Variants in CNTNAP4 observed in about 807,000 individuals in gnomAD.
CNTNAP4 encodes contactin associated protein family member 4, also known as contactin-associated protein-like 4.
Under a neutral mutation model 148.4 loss-of-function variants are expected in CNTNAP4, and 98 were observed. The ratio of observed to expected loss-of-function variants is 0.66; its 90% CI spans 0.56 to 0.78. The LOEUF (loss-of-function observed/expected upper bound fraction) is 0.78, where lower values mean the gene tolerates loss of function less well. Ranked by LOEUF, CNTNAP4 falls within the 30% of genes least tolerant of loss-of-function variation. The pLI, the probability that CNTNAP4 is intolerant of heterozygous loss-of-function variation, is 0.00. For missense variants in CNTNAP4, 1,935 were observed against 1,565.6 expected, an observed-to-expected ratio of 1.24 and a Z score of -3.98; for synonymous variants, 730 against 565.1, an observed-to-expected ratio of 1.29 and a Z score of -4.14.
chr16:76,462,465 C>G (rs1360270904), intron 9 of CNTNAP4, among the ~76,000 whole-genome samples: 6 of 152,144 alleles, frequency 3.9e-5, no homozygotes, highest in Non-Finnish European at 7.3e-5. Flanking sequence ...ATGCCCTTAG[C>G]TCCTTCAGAG....
chr16:76,483,904 T>A (rs1272174827), intron 12 of CNTNAP4, among the ~76,000 whole-genome samples: 4 of 152,218 alleles, frequency 2.6e-5, no homozygotes, highest in African/African-American at 9.6e-5. Flanking sequence ...CTGTGTGTGA[T>A]GAATATCGAC....
chr16:76,526,655 A>G lies in CNTNAP4; in HGVS notation c.2755+4398A>G, dbSNP rs114332159. Reference sequence around the variant, plus strand: ...CTTTGTAGTTCTTTGGTTTTCTCACATTATTTGCCAGTTTTTGTTTTTGTT... The same window carrying G: ...CTTTGTAGTTCTTTGGTTTTCTCACGTTATTTGCCAGTTTTTGTTTTTGTT... On this transcript the variant is annotated intron_variant, in intron 17 of 23. Transcript: ENST00000611870. 3.3e-3 allele frequency among the ~76,000 whole-genome samples: 502 copies of G among 152,140 alleles called. 3 individuals are homozygous for G. Among genetic ancestry groups the G allele is most frequent in the African/African-American group, 0.012 (478 of 41,520 alleles).
At chr16:76,519,127 T>A (rs1242029889) in intron 15 of CNTNAP4, among the ~76,000 whole-genome samples, 1 of 152,222 alleles carries the variant, frequency 6.6e-6, no homozygotes, top group Non-Finnish European at 1.5e-5. Flanking sequence ...CTTTGCTTTC[T>A]TTATAATTGT....
In CNTNAP4 at chr16:76,449,850, A is replaced by G; in HGVS notation, c.1063A>G (p.Ile355Val). ...DLAKQQKPQI[I>V]AMGNVSFSCS... is the part of the protein sequence containing the mutation. ...GGCCAAGCAGCAAAAACCACAGATC[A>G]TTGCTATGGTGAGAGTCTTTATGCG... The change falls in exon 7 of 24, where the codon ATT (isoleucine) becomes GTT (valine). Residue 355 changes from isoleucine (I) to valine (V), a missense_variant. Physicochemically the swap from Ile to Val is conservative, Grantham distance 29. Transcript: ENST00000611870. 1 of 1,606,650 alleles carries G rather than the reference A, an allele frequency of 6.2e-7. No individual in the cohort carries two copies. The highest frequency in any genetic ancestry group is 8.5e-7 in the Non-Finnish European group (1 of 1,176,852).
intron 15 of CNTNAP4, among the ~76,000 whole-genome samples, chr16:76,511,731 T>C (rs961532834): frequency 1.3e-5 from 2 of 152,146 alleles, no homozygotes; most frequent in African/African-American, 4.8e-5. Flanking sequence ...TCTTCTCTTG[T>C]CTCTGTTTTT....
At chr16:76,369,612 T>G (rs1042717552) in intron 3 of CNTNAP4, among the ~76,000 whole-genome samples, 2 of 152,170 alleles carry the variant, frequency 1.3e-5, no homozygotes, top group African/African-American at 4.8e-5. Context: ...GAAGCCAAGG[T>G]GGGAGGATTA....
At chr16:76,417,109 A>G (rs1325148816) in intron 3 of CNTNAP4, among the ~76,000 whole-genome samples, 2 of 151,316 alleles carry the variant, frequency 1.3e-5, no homozygotes, top group African/African-American at 2.4e-5. Flanking sequence ...TCTATATTTA[A>G]TGTGGATTTC....
At chr16:76,358,848 GTA>G (rs35234186) in intron 3 of CNTNAP4, among the ~76,000 whole-genome samples, 11 of 151,296 alleles carry the variant, frequency 7.3e-5, no homozygotes, top group South Asian at 6.3e-4. Context: ...GTATGTGTGT[GTA>G]TATATATATA....
At chr16:76,321,030 C>G (rs557185641) in intron 2 of CNTNAP4, among the ~76,000 whole-genome samples, 18 of 152,248 alleles carry the variant, frequency 1.2e-4, no homozygotes, top group Middle Eastern at 3.4e-3. Context: ...AGAATGTTTT[C>G]TGATGTTAAA....
rs150449060 is a variant in CNTNAP4, at chr16:76,452,734, A to G, written c.1298A>G (p.Tyr433Cys). Residue 433 changes from tyrosine (Y) to cysteine (C), a missense_variant, in exon 8 of 24, where the codon TAC becomes TGC. Coordinates refer to ENST00000611870, the MANE Select transcript of CNTNAP4 (RefSeq NM_033401.5). The stretch of plus-strand genomic sequence containing the variant: ...GATGGAAAACTTAAGTCGAATCTCT[A>G]CCAGCCAGGAAAATTACCCAGTGAC... ...LSDGKLKSNL[Y>C]QPGKLPSDIT... The G allele has an allele frequency of 1.4e-5, 22 of 1,602,556 alleles. No individual in the cohort carries two copies. The highest frequency in any genetic ancestry group is 1.8e-5 in the Non-Finnish European group (21 of 1,173,864).
At chr16:76,387,237 T>A (rs556898954) in intron 3 of CNTNAP4, among the ~76,000 whole-genome samples, 58 of 152,282 alleles carry the variant, frequency 3.8e-4, no homozygotes, top group African/African-American at 1.4e-3. Flanking sequence ...GTCCGATAAG[T>A]GATATCACAA....
At position 76,452,534 on chromosome 16, in the gene CNTNAP4, A is replaced by C; in HGVS notation, c.1098A>C (p.Gln366His). ...AMGNVSFSCS[Q>H]PQSMPVTFLS... ...GAAATGTGTCATTTTCTTGTTCACAACCACAATCTATGCCCGTGACTTTTC... is the reference window on the plus strand; with the variant it reads ...GAAATGTGTCATTTTCTTGTTCACACCCACAATCTATGCCCGTGACTTTTC... Residue 366 changes from glutamine to histidine, a missense_variant, in exon 8 of 24, where the codon CAA becomes CAC. Physicochemically the swap from Gln to His is conservative, Grantham distance 24. Coordinates refer to ENST00000611870, the MANE Select transcript of CNTNAP4 (RefSeq NM_033401.5). 1 of 1,613,980 alleles carries C rather than the reference A, an allele frequency of 6.2e-7. No homozygotes were observed. Among genetic ancestry groups the C allele is most frequent in the African/African-American group, 1.3e-5 (1 of 75,056 alleles).
chr16:76,321,030 C>A (rs557185641), intron 2 of CNTNAP4, among the ~76,000 whole-genome samples: 5 of 152,130 alleles, frequency 3.3e-5, no homozygotes, highest in African/African-American at 1.2e-4. Flanking sequence ...AGAATGTTTT[C>A]TGATGTTAAA....
chr16:76,359,031 G>C (rs766591613), intron 3 of CNTNAP4, among the ~76,000 whole-genome samples: 2 of 152,116 alleles, frequency 1.3e-5, no homozygotes, highest in African/African-American at 4.8e-5. Flanking sequence ...GAAATATGGT[G>C]AATTGTGCCC....
chr16:76,466,841 A>C (rs574222451), intron 9 of CNTNAP4, among the ~76,000 whole-genome samples: 1 of 152,278 alleles, frequency 6.6e-6, no homozygotes, highest in South Asian at 2.1e-4. Context: ...AGGAAAATAC[A>C]ATAATTAATT....
intron 2 of CNTNAP4, among the ~76,000 whole-genome samples, chr16:76,323,981 C>T (rs7184662): frequency 6.6e-6 from 1 of 152,190 alleles, no homozygotes; most frequent in Non-Finnish European, 1.5e-5. Context: ...TCTATGACAA[C>T]GTACTCTTCT....
At chr16:76,488,571 A>G (rs1323393141) in intron 12 of CNTNAP4, among the ~76,000 whole-genome samples, 1 of 152,156 alleles carries the variant, frequency 6.6e-6, no homozygotes, top group African/African-American at 2.4e-5. Context: ...GTCTTAGCTA[A>G]AAAGAGAGGG....
chr16:76,422,814 G>A (rs752332099), intron 3 of CNTNAP4, among the ~76,000 whole-genome samples: 1 of 152,132 alleles, frequency 6.6e-6, no homozygotes, highest in Non-Finnish European at 1.5e-5. Context: ...CTGATGCTGA[G>A]CCCCTAACTT....
In CNTNAP4 at chr16:76,538,191, C is replaced by A; in HGVS notation, c.3071C>A (p.Ser1024Tyr). 6.2e-7 allele frequency: 1 copy of A among 1,604,982 alleles called. No homozygotes were observed. The highest frequency in any genetic ancestry group is 1.3e-5 in the African/African-American group (1 of 74,692). Residue 1024 changes from serine to tyrosine, a missense_variant, in exon 19 of 24, where the codon TCC becomes TAC. Ser to Tyr is a moderately radical substitution (Grantham distance 144, BLOSUM62 -2). Coordinates refer to ENST00000611870, the MANE Select transcript of CNTNAP4 (RefSeq NM_033401.5). The part of the protein sequence containing the change: ...FQENYLLSKN[S>Y]SSHAASFHGD... ...GAAAATTATCTTTTAAGTAAAAACT[C>A]CAGCTCCCACGCTGCTTCATTTCAT...
Sources: gnomAD v4.1 joint callset for allele counts (sites outside exome capture counted in the v4.1 genomes callset) on GRCh38, gnomAD v4.1.1 for gene constraint, MANE v1.5 for transcripts, NCBI Gene and HGNC (gene_info 2026-07-23, HGNC 2026-07-21) for gene names.